Variants in HYCC2 observed in about 807,000 individuals in gnomAD.
HYCC2 encodes hyccin PI4KA lipid kinase complex subunit 2, also known as hyccin 2.
At chr2:201,022,882 T>C in the HYCC2 span, 1 of 1,613,864 alleles carries the variant, frequency 6.2e-7, no homozygotes, top group Non-Finnish European at 8.5e-7. Context: ...CAAGTGTTTT[T>C]TTCCGGTGTA....
At chr2:201,033,534 G>A in the HYCC2 span, among the ~76,000 whole-genome samples, 11 of 151,860 alleles carry the variant, frequency 7.2e-5, no homozygotes, top group African/African-American at 2.7e-4. Context: ...CTCCCAAGTA[G>A]CTGGGACTAC....
At chr2:200,994,529 G>A in the HYCC2 span, among the ~76,000 whole-genome samples, 5 of 152,240 alleles carry the variant, frequency 3.3e-5, no homozygotes, top group East Asian at 3.9e-4. Context: ...GAGCCACCGC[G>A]CCTGGCCTAG....
At chr2:200,986,689 T>C in the HYCC2 span, among the ~76,000 whole-genome samples, 5 of 152,210 alleles carry the variant, frequency 3.3e-5, no homozygotes, top group Admixed American at 1.3e-4. Flanking sequence ...TTCCATTGAA[T>C]TGAATACAAC....
At chr2:201,050,616 G>A in the HYCC2 span, among the ~76,000 whole-genome samples, 1 of 148,164 alleles carries the variant, frequency 6.7e-6, no homozygotes, top group African/African-American at 2.5e-5. Flanking sequence ...AAAAAAAAAG[G>A]AATAAAGACT....
At chr2:200,988,530 G>T in the HYCC2 span, 1 of 711,342 alleles carries the variant, frequency 1.4e-6, no homozygotes, top group Non-Finnish European at 2.2e-6. Flanking sequence ...GCATTATAAT[G>T]TGTAATAAAC....
the HYCC2 span, among the ~76,000 whole-genome samples, chr2:201,020,203 C>T: frequency 6.6e-6 from 1 of 152,142 alleles, no homozygotes; most frequent in Non-Finnish European, 1.5e-5. Context: ...AATGGCACCA[C>T]CACCCACATC....
the HYCC2 span, among the ~76,000 whole-genome samples, chr2:201,030,210 C>T: frequency 6.6e-6 from 1 of 152,210 alleles, no homozygotes; most frequent in South Asian, 2.1e-4. Context: ...TATTAAATTA[C>T]TGACCTTTGA....
chr2:201,053,690 C>A, the HYCC2 span, among the ~76,000 whole-genome samples: 1 of 152,174 alleles, frequency 6.6e-6, no homozygotes, highest in Non-Finnish European at 1.5e-5. Flanking sequence ...CCAAGCCGGG[C>A]GTGGTGGCTC....
the HYCC2 span, among the ~76,000 whole-genome samples, chr2:201,062,447 G>C: frequency 6.6e-6 from 1 of 152,108 alleles, no homozygotes; most frequent in Admixed American, 6.5e-5. Flanking sequence ...AGGAGATCGA[G>C]AGCATCCTGG....
the HYCC2 span, among the ~76,000 whole-genome samples, chr2:201,012,541 A>G: frequency 6.6e-6 from 1 of 152,212 alleles, no homozygotes; most frequent in Non-Finnish European, 1.5e-5. Context: ...ACTAAGCTAC[A>G]AGACAGTTCT....
chr2:201,054,825 G>A, the HYCC2 span, among the ~76,000 whole-genome samples: 527 of 152,126 alleles, frequency 3.5e-3, 1 homozygote, highest in African/African-American at 0.012. Context: ...AAAACATGTC[G>A]AATTTTTTTA....
At chr2:201,024,216 C>T in the HYCC2 span, among the ~76,000 whole-genome samples, 1 of 152,062 alleles carries the variant, frequency 6.6e-6, no homozygotes, top group Non-Finnish European at 1.5e-5. Flanking sequence ...TCTGGCTGGG[C>T]GTGGTGGCTC....
At chr2:201,030,105 T>A in the HYCC2 span, among the ~76,000 whole-genome samples, 1 of 151,620 alleles carries the variant, frequency 6.6e-6, no homozygotes, top group Non-Finnish European at 1.5e-5. Flanking sequence ...AAACAAAAAG[T>A]CCGGAAATTT....
the HYCC2 span, among the ~76,000 whole-genome samples, chr2:201,055,954 C>T: frequency 1.3e-5 from 2 of 152,010 alleles, no homozygotes; most frequent in African/African-American, 4.8e-5. Flanking sequence ...TTTGGGAGGC[C>T]GAGGCGGGTG....
At chr2:201,011,521 C>A in the HYCC2 span, 2 of 1,029,486 alleles carry the variant, frequency 1.9e-6, no homozygotes, top group Non-Finnish European at 2.8e-6. Context: ...CAGATCTACA[C>A]GAAATAATAA....
the HYCC2 span, chr2:200,981,535 A>C: frequency 1.2e-6 from 2 of 1,614,216 alleles, no homozygotes; most frequent in Non-Finnish European, 8.5e-7. This position sits in a 1 kb window ranked among gnomAD's most constrained non-coding sequence, Gnocchi z 4.5. Context: ...GATTAGACTT[A>C]AGCTATTGAT....
the HYCC2 span, among the ~76,000 whole-genome samples, chr2:201,001,311 T>G: frequency 6.6e-6 from 1 of 152,162 alleles, no homozygotes. Context: ...TCTGCAGAAC[T>G]GTGAGCAATA....
chr2:200,977,807 G>A, the HYCC2 span: 2 of 152,330 alleles, frequency 1.3e-5, no homozygotes, highest in Admixed American at 1.3e-4. Flanking sequence ...AGCCGTGATA[G>A]TGCCACTGCA....
chr2:200,996,698 T>C, the HYCC2 span: 1 of 152,206 alleles, frequency 6.6e-6, no homozygotes, highest in South Asian at 2.1e-4. Context: ...ATCCACCCCC[T>C]ACATACAAAT....
Sources: allele counts gnomAD v4.1 joint callset (sites outside exome capture counted in the v4.1 genomes callset), GRCh38; gene constraint gnomAD v4.1.1; non-coding constraint Gnocchi (gnomAD v3.1); transcripts MANE v1.5; gene names NCBI Gene and HGNC (gene_info 2026-07-23, HGNC 2026-07-21).